GLIS3: variants seen among roughly 807,000 people sequenced by gnomAD.
GLIS3 encodes zinc finger protein GLIS3.
A neutral mutation model predicts 78.6 loss-of-function variants in GLIS3; 53 were observed. The observed-to-expected ratio is 0.67, with a 90% CI of 0.54 to 0.85. The LOEUF (loss-of-function observed/expected upper bound fraction) is 0.85. GLIS3 is among the 40% of genes least tolerant of loss of function. The pLI is 0.00. For missense variants in GLIS3, 1,703 were observed against 1,231.1 expected, an observed-to-expected ratio of 1.38 and a Z score of -5.74; for synonymous variants, 684 against 509.9, an observed-to-expected ratio of 1.34 and a Z score of -4.60.
chr9:4,350,085 C>T (rs1003333541), upstream of GLIS3, among the ~76,000 whole-genome samples: 1 of 152,220 alleles, frequency 6.6e-6, no homozygotes, highest in Non-Finnish European at 1.5e-5. Context: ...AGCTCAGAGA[C>T]AGCTGATAGC....
At chr9:3,838,383 C>T (rs1315991365) in intron 9 of GLIS3, among the ~76,000 whole-genome samples, 1 of 152,158 alleles carries the variant, frequency 6.6e-6, no homozygotes, top group Non-Finnish European at 1.5e-5. Flanking sequence ...TGGCTCATCC[C>T]TGGCCAACCC....
At chr9:4,271,708 A>C (rs554234051) in intron 2 of GLIS3, among the ~76,000 whole-genome samples, 15 of 152,306 alleles carry the variant, frequency 9.8e-5, no homozygotes, top group Admixed American at 3.9e-4. Context: ...ACCTGCAACC[A>C]AAAGTCTTGA....
At chr9:4,019,290 G>T (rs73388267) in intron 4 of GLIS3, among the ~76,000 whole-genome samples, 126 of 152,224 alleles carry the variant, frequency 8.3e-4, no homozygotes, top group African/African-American at 2.9e-3. Context: ...AGAAGGTAAT[G>T]GTGGCCCAGG....
At chr9:4,030,075 G>C (rs1364482924) in intron 4 of GLIS3, among the ~76,000 whole-genome samples, 1 of 152,184 alleles carries the variant, frequency 6.6e-6, no homozygotes, top group Non-Finnish European at 1.5e-5. Flanking sequence ...AGTGTATGAA[G>C]GGCCCTTTTT....
At position 4,312,684 on chromosome 9, in the gene GLIS3, T is replaced by C. The variant is rs191550398; in HGVS notation, n.265-2156A>G. On this transcript the variant is annotated intron_variant and non_coding_transcript_variant, in intron 2 of 4. Coordinates refer to the GLIS3 transcript ENST00000471664. The stretch of plus-strand genomic sequence containing the variant: ...TGTTACCTTAGGCCTTTTCTATCCT[T>C]TCCCTCTCTGTTTTATGGCTCTGCT... Among the ~76,000 whole-genome samples, 32 of 152,326 alleles carry C rather than the reference T, an allele frequency of 2.1e-4. No homozygotes were observed. In the East Asian group the frequency reaches 6.0e-3, roughly 28 times the overall value.
chr9:4,073,879 G>C (rs912714616), intron 4 of GLIS3, among the ~76,000 whole-genome samples: 4 of 152,180 alleles, frequency 2.6e-5, no homozygotes, highest in African/African-American at 9.7e-5. Context: ...CTCAGTAATT[G>C]CTCTGTGTGT....
chr9:4,424,459 C>A, the GLIS3 span, among the ~76,000 whole-genome samples: 9 of 152,174 alleles, frequency 5.9e-5, no homozygotes, highest in African/African-American at 1.9e-4. Flanking sequence ...AGGAGTATGA[C>A]CCGAGAAAAT....
intron 2 of GLIS3, among the ~76,000 whole-genome samples, chr9:4,154,911 A>T (rs1200471887): frequency 6.6e-6 from 1 of 152,202 alleles, no homozygotes; most frequent in Non-Finnish European, 1.5e-5. Flanking sequence ...ATTATAGTAC[A>T]CTTTCCGTAT....
At chr9:3,860,030 C>CTT (rs1432862249) in intron 8 of GLIS3, among the ~76,000 whole-genome samples, 1 of 151,924 alleles carries the variant, frequency 6.6e-6, no homozygotes, top group Non-Finnish European at 1.5e-5. Context: ...AATCCCAGCA[C>CTT]TTTGGGAGGC....
At chr9:4,432,233 T>G in the GLIS3 span, among the ~76,000 whole-genome samples, 1 of 152,198 alleles carries the variant, frequency 6.6e-6, no homozygotes, top group African/African-American at 2.4e-5. Flanking sequence ...TGCCAATAAA[T>G]GACAACTGTC....
chr9:4,189,104 G>C (rs10974381), intron 2 of GLIS3, among the ~76,000 whole-genome samples: 1 of 150,708 alleles, frequency 6.6e-6, no homozygotes, highest in East Asian at 1.9e-4. Context: ...GTCAATTTTA[G>C]ATCTTTCCTG....
chr9:4,429,711 C>T, the GLIS3 span, among the ~76,000 whole-genome samples: 3 of 152,044 alleles, frequency 2.0e-5, no homozygotes, highest in Admixed American at 1.3e-4. Flanking sequence ...AACATTGAAT[C>T]CCCAGCTCTG....
Position 3,824,473 on chromosome 9 carries a change from T to G in GLIS3, c.*3799A>C, listed in dbSNP as rs1406815764. 6.6e-6 allele frequency: 1 copy of G among 152,288 alleles called. No individual in the cohort carries two copies. The highest frequency in any genetic ancestry group is 2.4e-5 in the African/African-American group (1 of 41,452). 9.4% of individuals were successfully genotyped at this position (152,288 alleles called of 1,614,324 possible). A position where few individuals can be genotyped will look rare whatever the true frequency, so the allele number is the denominator to read the frequency against. On this transcript the variant is annotated 3_prime_UTR_variant, in exon 11 of 11. Coordinates refer to ENST00000381971, the MANE Select transcript of GLIS3 (RefSeq NM_001042413.2). ...AAGGAGGATTTTAGGCAGGAGGGCG[T>G]CTTCTCTATTTCCAGTTTTATTCTG...
At chr9:4,274,107 G>A (rs1239431504) in intron 2 of GLIS3, among the ~76,000 whole-genome samples, 1 of 152,158 alleles carries the variant, frequency 6.6e-6, no homozygotes, top group Non-Finnish European at 1.5e-5. Context: ...AGGAAACTGA[G>A]GCAGGAGGCC....
intron 7 of GLIS3, among the ~76,000 whole-genome samples, chr9:3,881,334 G>C (rs1821715190): frequency 6.6e-6 from 1 of 151,816 alleles, no homozygotes; most frequent in Non-Finnish European, 1.5e-5. Context: ...TGTTGTAGTT[G>C]CTGAATGCAC....
chr9:4,185,729 G>C (rs949370966), intron 2 of GLIS3, among the ~76,000 whole-genome samples: 8 of 152,136 alleles, frequency 5.3e-5, no homozygotes, highest in East Asian at 1.9e-4. Flanking sequence ...TTCTAGCTAG[G>C]ACCATGTTCA....
At chr9:3,928,635 T>A (rs1261254409) in intron 6 of GLIS3, among the ~76,000 whole-genome samples, 1 of 152,206 alleles carries the variant, frequency 6.6e-6, no homozygotes, top group East Asian at 1.9e-4. Flanking sequence ...GTAAATAGAC[T>A]GCCCTAATTT....
chr9:4,255,724 T>G (rs1192455439), intron 2 of GLIS3, among the ~76,000 whole-genome samples: 1 of 151,924 alleles, frequency 6.6e-6, no homozygotes, highest in African/African-American at 2.4e-5. Context: ...GAGGGATGAA[T>G]AGGCAGGGCA....
intron 2 of GLIS3, among the ~76,000 whole-genome samples, chr9:4,219,892 C>T (rs566023289): frequency 1.1e-4 from 16 of 152,254 alleles, no homozygotes; most frequent in African/African-American, 3.9e-4. Context: ...GCAATAAGCA[C>T]ACCCAGCACT....
Sources: allele counts gnomAD v4.1 joint callset (sites outside exome capture counted in the v4.1 genomes callset), GRCh38; gene constraint gnomAD v4.1.1; transcripts MANE v1.5; gene names NCBI Gene and HGNC (gene_info 2026-07-23, HGNC 2026-07-21).